CCDC88A: variants seen among roughly 807,000 people sequenced by gnomAD.
CCDC88A encodes the protein coiled-coil and HOOK domain protein 88A, also known as girdin.
A neutral mutation model predicts 234.3 loss-of-function variants in CCDC88A; 54 were observed. The ratio of observed to expected loss-of-function variants is 0.23; its 90% CI spans 0.19 to 0.29. The LOEUF (loss-of-function observed/expected upper bound fraction) is 0.29. Ranked by LOEUF, CCDC88A falls within the 10% of genes least tolerant of loss-of-function variation. The probability of loss-of-function intolerance (pLI) is 1.00; values close to 1 mark genes in which losing one functional copy is unlikely to be tolerated. For synonymous variants in CCDC88A, 753 were observed against 737.8 expected (o/e 1.02, Z -0.33); for missense variants, 1,832 against 2,123.4 (o/e 0.86, Z 2.70).
intron 2 of CCDC88A, among the ~76,000 whole-genome samples, chr2:55,412,223 C>G (rs1680622572): frequency 6.6e-6 from 1 of 152,110 alleles, no homozygotes; most frequent in African/African-American, 2.4e-5. Context: ...AGCCCCTAAA[C>G]AGTAATACTG....
In CCDC88A at chr2:55,317,440, C is replaced by A; in HGVS notation, c.3603-91G>T. 8.4e-7 allele frequency: 1 copy of A among 1,185,330 alleles called. No individual in the cohort carries two copies. The highest frequency in any genetic ancestry group is 1.1e-6 in the Non-Finnish European group (1 of 874,628). The allele number at this position is 1,185,330 out of a possible 1,614,324, so 73.4% of individuals were successfully genotyped here. On this transcript the variant is annotated intron_variant, in intron 20 of 32. Coordinates refer to ENST00000436346, the MANE Select transcript of CCDC88A (RefSeq NM_001365480.1). This position sits in a 1 kb window ranked among gnomAD's most constrained non-coding sequence, Gnocchi z 4.2. ...TGAGTAATGAGTATCATTTAAAACA[C>A]ATGTAAATTTATATAAATTTCTTAT... is the stretch of plus-strand genomic sequence containing the variant.
In CCDC88A at chr2:55,319,208, A is replaced by T. The variant is rs190775613; in HGVS notation, c.3163-204T>A. 2.4e-4 allele frequency among the ~76,000 whole-genome samples: 36 copies of T among 152,304 alleles called. No homozygotes were observed. The East Asian group carries it at 6.9e-3, about 29-fold the overall frequency. Reference sequence around the variant, plus strand: ...GACATTTATCAGAAAGAAGGCAATGATATTAAAACTTTAATATTGTGCCTG... The same window carrying T: ...GACATTTATCAGAAAGAAGGCAATGTTATTAAAACTTTAATATTGTGCCTG... On this transcript the variant is annotated intron_variant, in intron 18 of 32. Coordinates refer to ENST00000436346, the MANE Select transcript of CCDC88A (RefSeq NM_001365480.1).
intron 12 of CCDC88A, 91 bp downstream of exon 12, chr2:55,343,557 T>C: frequency 1.1e-6 from 1 of 927,096 alleles, no homozygotes; most frequent in Non-Finnish European, 1.6e-6. Context: ...TTCTGAGATA[T>C]CTCCCACTGC....
Position 55,334,492 on chromosome 2 carries a change from T to C in CCDC88A, c.2329A>G (p.Lys777Glu). The change falls in exon 15 of 33, where the codon AAA becomes GAA. Residue 777 changes from lysine (K) to glutamate (E), a missense_variant. Physicochemically the swap from Lys to Glu is moderately conservative, Grantham distance 56. Transcript: ENST00000436346. This position sits in a 1 kb window ranked among gnomAD's most constrained non-coding sequence, Gnocchi z 6.1. ...TCACTCTCTAATTGCTGGATTTTTT[T>C]ATTGCTGTTCTCTAAAGTTTTTTGC... ...RLQKTLENSN[K>E]KIQQLESELQ... 6.2e-7 allele frequency: 1 copy of C among 1,606,612 alleles called. No individual in the cohort carries two copies. Among genetic ancestry groups the C allele is most frequent in the Non-Finnish European group, 8.5e-7 (1 of 1,178,160 alleles).
intron 5 of CCDC88A, among the ~76,000 whole-genome samples, chr2:55,364,542 A>C (rs972774723): frequency 3.3e-5 from 5 of 152,096 alleles, no homozygotes; most frequent in African/African-American, 1.2e-4. Context: ...TATCAAGCTT[A>C]ATAAAAGAAA....
At chr2:55,410,132 G>C (rs1457103513) in intron 2 of CCDC88A, among the ~76,000 whole-genome samples, 1 of 152,070 alleles carries the variant, frequency 6.6e-6, no homozygotes, top group Non-Finnish European at 1.5e-5. Context: ...GCCCACACAG[G>C]CCTCTTTCCT....
chr2:55,333,610 A>T (rs1685175674), intron 15 of CCDC88A, among the ~76,000 whole-genome samples: 1 of 152,180 alleles, frequency 6.6e-6, no homozygotes, highest in Non-Finnish European at 1.5e-5. Flanking sequence ...CATCTAAAAA[A>T]TGGATATAAT....
intron 2 of CCDC88A, among the ~76,000 whole-genome samples, chr2:55,392,677 T>A (rs1442621912): frequency 3.9e-5 from 6 of 152,260 alleles, no homozygotes; most frequent in African/African-American, 1.4e-4. Flanking sequence ...GCAACCATGC[T>A]AACCTTTCTT....
intron 2 of CCDC88A, among the ~76,000 whole-genome samples, chr2:55,396,734 G>A (rs1340092571): frequency 6.6e-6 from 1 of 151,828 alleles, no homozygotes; most frequent in African/African-American, 2.4e-5. Context: ...GCCAGGCGTG[G>A]TGGCAGGCAC....
At chr2:55,363,726 C>A in intron 6 of CCDC88A, 2 of 380,546 alleles carry the variant, frequency 5.3e-6, no homozygotes, top group Non-Finnish European at 4.7e-6. Flanking sequence ...CACTTTCTGC[C>A]TATGTCACTA....
In CCDC88A at chr2:55,419,705, T is replaced by G. The variant is rs1682003153; in HGVS notation, c.-626A>C. The G allele has an allele frequency of 6.6e-6, 1 of 150,664 alleles. No individual in the cohort carries two copies. The highest frequency in any genetic ancestry group is 1.5e-5 in the Non-Finnish European group (1 of 67,890). The allele number at this position is 150,664 out of a possible 1,614,324, so 9.3% of individuals were successfully genotyped here. On this transcript the variant is annotated 5_prime_UTR_variant, in exon 1 of 33. Transcript: ENST00000436346. ...CCTCAAGCCTCGCCTCCAGCCCCCT[T>G]CCCCTCCCGGGGGTGGGGGCTTGAA...
At chr2:55,407,572 T>A (rs1357911876) in intron 2 of CCDC88A, among the ~76,000 whole-genome samples, 1 of 151,576 alleles carries the variant, frequency 6.6e-6, no homozygotes, top group Admixed American at 6.6e-5. Context: ...ATCACTGCAC[T>A]CCAGCCTGGG....
In CCDC88A at chr2:55,368,030, A is replaced by G. The variant is rs1672276056; in HGVS notation, c.403-3997T>C. 2.0e-5 allele frequency among the ~76,000 whole-genome samples: 3 copies of G among 152,208 alleles called. No homozygotes were observed. In the South Asian group the frequency reaches 6.2e-4, roughly 31 times the overall value. Reference sequence around the variant, plus strand: ...GAACAAAGAAATTTCCAAACAAAACACTGCAAAACTTTTTCTTCTGCATAG... The same window carrying G: ...GAACAAAGAAATTTCCAAACAAAACGCTGCAAAACTTTTTCTTCTGCATAG... On this transcript the variant is annotated intron_variant, in intron 5 of 32. Transcript: ENST00000436346.
intron 14 of CCDC88A, among the ~76,000 whole-genome samples, chr2:55,336,433 T>C (rs1278651810): frequency 6.6e-6 from 1 of 152,016 alleles, no homozygotes; most frequent in African/African-American, 2.4e-5. Flanking sequence ...AAAGCACAAG[T>C]ACTGCAAATG....
At chr2:55,353,172 A>T (rs1484381153) in intron 8 of CCDC88A, among the ~76,000 whole-genome samples, 1 of 152,196 alleles carries the variant, frequency 6.6e-6, no homozygotes, top group Non-Finnish European at 1.5e-5. Context: ...GTTGTTTGGA[A>T]TTTTAATATA....
At position 55,362,336 on chromosome 2, in the gene CCDC88A, A is replaced by C. The variant is rs1289590104; in HGVS notation, c.599T>G (p.Leu200Arg). ...LKNMALHLKR[L>R]IDERDEHSET... is the part of the protein sequence containing the mutation. ...TGAATGTTCATCTCTCTCATCTATA[A>C]GTCTTTTTAGATGCAATGCCATATT... Residue 200 changes from leucine (L) to arginine (R), a missense_variant, in exon 7 of 33, where the codon CTT becomes CGT. Physicochemically the swap from Leu to Arg is moderately radical, Grantham distance 102. This residue lies in a region of CCDC88A where 1,282 missense variants were observed against 1,543.6 expected (regional missense o/e 0.83). Coordinates refer to ENST00000436346, the MANE Select transcript of CCDC88A (RefSeq NM_001365480.1). 6.3e-7 allele frequency: 1 copy of C among 1,594,124 alleles called. No individual in the cohort carries two copies. Among genetic ancestry groups the C allele is most frequent in the Non-Finnish European group, 8.5e-7 (1 of 1,172,118 alleles).
chr2:55,296,559 T>C (rs1335798851), intron 29 of CCDC88A, 36 bp from the exon 30 acceptor site: 3 of 1,589,884 alleles, frequency 1.9e-6, no homozygotes, highest in South Asian at 2.3e-5. Context: ...ATTTCAATAA[T>C]AGAATTGAGA....
intron 4 of CCDC88A, among the ~76,000 whole-genome samples, chr2:55,373,848 AG>A (rs1673201193): frequency 6.6e-6 from 1 of 152,092 alleles, no homozygotes; most frequent in Non-Finnish European, 1.5e-5. Context: ...TTTGACTGAG[AG>A]GGGGTATGGG....
intron 17 of CCDC88A, chr2:55,323,506 T>C (rs184689087): frequency 1.6e-4 from 25 of 152,250 alleles, no homozygotes; most frequent in African/African-American, 6.0e-4. Flanking sequence ...TCTCAAGAAA[T>C]CTAAGGGGTA....
Sources: gnomAD v4.1 joint callset for allele counts (sites outside exome capture counted in the v4.1 genomes callset) on GRCh38, gnomAD v4.1.1 for gene constraint, gnomAD v4.1.1 regional missense constraint, Gnocchi (gnomAD v3.1) non-coding constraint, MANE v1.5 for transcripts, NCBI Gene and HGNC (gene_info 2026-07-23, HGNC 2026-07-21) for gene names.